PKIB: variants seen among roughly 807,000 people sequenced by gnomAD.
PKIB encodes cAMP-dependent protein kinase inhibitor beta.
A neutral mutation model predicts 4.5 loss-of-function variants in PKIB; 2 were observed. The observed-to-expected ratio is 0.44, with a 90% CI of 0.18 to 1.39. The LOEUF (loss-of-function observed/expected upper bound fraction) is 1.39. Ranked by LOEUF, PKIB falls within the 40% of genes most tolerant of loss-of-function variation. The pLI is 0.27. For synonymous variants in PKIB, 38 were observed against 36.0 expected, an observed-to-expected ratio of 1.06 and a Z score of -0.20; for missense variants, 94 against 92.6, an observed-to-expected ratio of 1.02 and a Z score of -0.06.
intron 2 of PKIB, among the ~76,000 whole-genome samples, chr6:122,485,550 G>T (rs1189438500): frequency 6.6e-6 from 1 of 152,212 alleles, no homozygotes; most frequent in East Asian, 1.9e-4. Context: ...CATCAGTCGT[G>T]TGTTACTGGA....
chr6:122,612,268 C>T (rs1468556201), intron 1 of PKIB, among the ~76,000 whole-genome samples: 2 of 151,976 alleles, frequency 1.3e-5, no homozygotes, highest in Non-Finnish European at 2.9e-5. Flanking sequence ...AAAGTTCACC[C>T]TTTAAGGGTG....
intron 3 of PKIB, among the ~76,000 whole-genome samples, chr6:122,714,923 C>G (rs1490260628): frequency 6.6e-6 from 1 of 151,894 alleles, no homozygotes; most frequent in African/African-American, 2.4e-5. Flanking sequence ...TAGCTGGGAT[C>G]ACAGGTGTGA....
intron 2 of PKIB, among the ~76,000 whole-genome samples, chr6:122,545,708 C>T (rs1449284458): frequency 6.8e-6 from 1 of 147,494 alleles, no homozygotes; most frequent in African/African-American, 2.5e-5. Flanking sequence ...ACCTGGGTGA[C>T]AAAATAATCT....
intron 2 of PKIB, among the ~76,000 whole-genome samples, chr6:122,578,818 G>A (rs141533333): frequency 0.011 from 1,652 of 152,238 alleles, 14 homozygotes; most frequent in Middle Eastern, 0.034. Context: ...GAAGGTAAAC[G>A]AATCATGGGG....
At chr6:122,475,060 G>A (rs1242701603) in intron 1 of PKIB, among the ~76,000 whole-genome samples, 4 of 152,148 alleles carry the variant, frequency 2.6e-5, no homozygotes, top group African/African-American at 9.7e-5. Flanking sequence ...TTGAGACGTA[G>A]GCTTGCTCTA....
chr6:122,719,515 C>T (rs780624334), intron 4 of PKIB, among the ~76,000 whole-genome samples: 11 of 152,114 alleles, frequency 7.2e-5, no homozygotes, highest in Non-Finnish European at 1.2e-4. Flanking sequence ...CTGAAAGAGA[C>T]AAACTGCTAG....
chr6:122,640,560 A>G (rs1776083511), intron 2 of PKIB, among the ~76,000 whole-genome samples: 2 of 152,164 alleles, frequency 1.3e-5, no homozygotes, highest in East Asian at 3.9e-4. Flanking sequence ...GATGAGTTTG[A>G]AAGTTGCTAG....
intron 3 of PKIB, among the ~76,000 whole-genome samples, chr6:122,699,021 A>G (rs966827195): frequency 6.6e-6 from 1 of 152,086 alleles, no homozygotes; most frequent in Non-Finnish European, 1.5e-5. Context: ...CGTCAAACAA[A>G]TCTTCCTGGA....
intron 2 of PKIB, among the ~76,000 whole-genome samples, chr6:122,565,495 G>T (rs1054050438): frequency 6.6e-6 from 1 of 152,134 alleles, no homozygotes; most frequent in Non-Finnish European, 1.5e-5. Flanking sequence ...AAACAGGTAA[G>T]CTTGAGAGAA....
intron 1 of PKIB, among the ~76,000 whole-genome samples, chr6:122,612,506 T>C (rs1014197779): frequency 1.3e-5 from 2 of 152,164 alleles, no homozygotes; most frequent in African/African-American, 2.4e-5. Context: ...AGTCTATAGA[T>C]TTGCCTTTTC....
At chr6:122,561,613 T>A (rs1451850330) in intron 2 of PKIB, among the ~76,000 whole-genome samples, 1 of 151,972 alleles carries the variant, frequency 6.6e-6, no homozygotes, top group Non-Finnish European at 1.5e-5. Context: ...GGTGCATATA[T>A]GTTTAGGATT....
At chr6:122,642,849 T>C (rs1776173352) in intron 2 of PKIB, among the ~76,000 whole-genome samples, 1 of 152,230 alleles carries the variant, frequency 6.6e-6, no homozygotes, top group Non-Finnish European at 1.5e-5. Flanking sequence ...GTCTCAGGTA[T>C]TCTTCATAGT....
At chr6:122,607,536 G>A (rs1477807339), upstream of PKIB, among the ~76,000 whole-genome samples, 4 of 151,980 alleles carry the variant, frequency 2.6e-5, no homozygotes, top group East Asian at 7.8e-4. Flanking sequence ...ACAACACGTA[G>A]ATCCCTGCTC....
intron 3 of PKIB, among the ~76,000 whole-genome samples, chr6:122,600,225 C>T (rs1774321321): frequency 6.6e-6 from 1 of 152,084 alleles, no homozygotes; most frequent in Admixed American, 6.6e-5. Context: ...GAGGCTAGGC[C>T]TGTCTCTCCT....
At chr6:122,546,034 A>C (rs1157758775) in intron 2 of PKIB, among the ~76,000 whole-genome samples, 2 of 151,888 alleles carry the variant, frequency 1.3e-5, no homozygotes, top group Non-Finnish European at 1.5e-5. Context: ...TTTTCTCTTA[A>C]AGGCTCATTT....
At chr6:122,477,248 T>C (rs375666548) in intron 1 of PKIB, among the ~76,000 whole-genome samples, 1 of 152,182 alleles carries the variant, frequency 6.6e-6, no homozygotes, top group South Asian at 2.1e-4. Flanking sequence ...ACAATGCAGG[T>C]CTGTAAGCTG....
intron 2 of PKIB, among the ~76,000 whole-genome samples, chr6:122,504,299 A>G (rs1223691097): frequency 6.6e-6 from 1 of 152,188 alleles, no homozygotes; most frequent in Admixed American, 6.5e-5. Context: ...TTTATAATCA[A>G]CTAAATGCAT....
chr6:122,539,116 T>G (rs1391901547), intron 2 of PKIB, among the ~76,000 whole-genome samples: 4 of 152,132 alleles, frequency 2.6e-5, no homozygotes, highest in Admixed American at 2.6e-4. Flanking sequence ...ATACAATCAA[T>G]TCATCTGCAA....
At chr6:122,612,582 CATA>C (rs1774807217) in intron 1 of PKIB, among the ~76,000 whole-genome samples, 1 of 152,084 alleles carries the variant, frequency 6.6e-6, no homozygotes, top group Non-Finnish European at 1.5e-5. Context: ...TCTTACTTAG[CATA>C]ATGTTTTTGG....
Sources: gnomAD v4.1 joint callset for allele counts (sites outside exome capture counted in the v4.1 genomes callset) on GRCh38, gnomAD v4.1.1 for gene constraint, MANE v1.5 for transcripts, NCBI Gene and HGNC (gene_info 2026-07-23, HGNC 2026-07-21) for gene names.